Variants in FHIT observed in about 807,000 individuals in gnomAD.
FHIT encodes the protein bis(5'-adenosyl)-triphosphatase.
In FHIT, 19 loss-of-function variants were observed where a neutral mutation model predicts 17.9. The ratio of observed to expected loss-of-function variants is 1.06; its 90% CI spans 0.74 to 1.56. The LOEUF is 1.56. FHIT is among the 40% of genes most tolerant of loss of function. The pLI, the probability that FHIT is intolerant of heterozygous loss-of-function variation, is 0.00. For synonymous variants in FHIT, 81 were observed against 69.7 expected (o/e 1.16, Z -0.81); for missense variants, 248 against 189.2 (o/e 1.31, Z -1.82).
At chr3:60,973,277 A>G (rs1710100232) in intron 3 of FHIT, among the ~76,000 whole-genome samples, 1 of 152,146 alleles carries the variant, frequency 6.6e-6, no homozygotes, top group African/African-American at 2.4e-5. Flanking sequence ...CCTAGGTTGT[A>G]GTTCTTCAGG....
chr3:60,517,157 G>C (rs2035189999), intron 5 of FHIT, among the ~76,000 whole-genome samples: 2 of 152,140 alleles, frequency 1.3e-5, no homozygotes, highest in African/African-American at 4.8e-5. Flanking sequence ...AAAGGCTCAA[G>C]AGTTAATGTT....
chr3:60,163,107 T>C (rs182484009), intron 5 of FHIT, among the ~76,000 whole-genome samples: 53 of 149,754 alleles, frequency 3.5e-4, no homozygotes, highest in Admixed American at 1.4e-3. Flanking sequence ...GCAAAAGACA[T>C]TGTGCACACA....
chr3:60,501,295 T>C (rs1321420911), intron 5 of FHIT, among the ~76,000 whole-genome samples: 1 of 150,116 alleles, frequency 6.7e-6, no homozygotes, highest in Non-Finnish European at 1.5e-5. Flanking sequence ...CCACTATTTA[T>C]CTTATTTGAG....
intron 8 of FHIT, among the ~76,000 whole-genome samples, chr3:59,784,064 G>T (rs6786186): frequency 0.037 from 5,624 of 152,212 alleles, 145 homozygotes; most frequent in South Asian, 0.076. Context: ...AACGCTTCAG[G>T]ATTCTTGGCC....
intron 5 of FHIT, among the ~76,000 whole-genome samples, chr3:60,120,585 G>A (rs573895467): frequency 6.6e-6 from 1 of 152,132 alleles, no homozygotes; most frequent in Non-Finnish European, 1.5e-5. Flanking sequence ...ATTTACTGTA[G>A]GGTTGAGAAT....
intron 8 of FHIT, among the ~76,000 whole-genome samples, chr3:59,839,352 A>G (rs190730258): frequency 2.4e-4 from 37 of 152,074 alleles, no homozygotes; most frequent in African/African-American, 8.9e-4. Context: ...AGAAAAAAGA[A>G]AACCACCTCT....
At chr3:60,737,295 G>A (rs1408987933) in intron 4 of FHIT, among the ~76,000 whole-genome samples, 1 of 152,230 alleles carries the variant, frequency 6.6e-6, no homozygotes, top group Non-Finnish European at 1.5e-5. Context: ...AGAAAATGCA[G>A]AATGTAATTA....
intron 5 of FHIT, among the ~76,000 whole-genome samples, chr3:60,267,825 A>C (rs1167798413): frequency 6.6e-6 from 1 of 151,994 alleles, no homozygotes; most frequent in African/African-American, 2.4e-5. Context: ...ATACAAAACT[A>C]TTTATTGAAG....
At chr3:60,440,959 G>C (rs866482647) in intron 5 of FHIT, among the ~76,000 whole-genome samples, 11 of 152,100 alleles carry the variant, frequency 7.2e-5, no homozygotes, top group African/African-American at 2.7e-4. Context: ...AACCCAGCAA[G>C]AGAAATGTAT....
At chr3:59,950,207 A>G (rs1275443310) in intron 7 of FHIT, among the ~76,000 whole-genome samples, 3 of 152,232 alleles carry the variant, frequency 2.0e-5, no homozygotes, top group Non-Finnish European at 4.4e-5. Context: ...AAAGTAAAGC[A>G]TAATATAAAA....
chr3:60,040,172 A>T (rs962346106), intron 5 of FHIT, among the ~76,000 whole-genome samples: 4 of 151,806 alleles, frequency 2.6e-5, no homozygotes. Flanking sequence ...TTTGAGACAG[A>T]GTCTTGCTCT....
intron 4 of FHIT, among the ~76,000 whole-genome samples, chr3:60,579,206 T>G (rs142836957): frequency 2.0e-5 from 3 of 152,250 alleles, no homozygotes; most frequent in African/African-American, 7.2e-5. Context: ...CCTAGATAGG[T>G]ATAGCCCACT....
At chr3:60,302,292 G>GGGAT (rs1317590437) in intron 5 of FHIT, among the ~76,000 whole-genome samples, 7 of 151,998 alleles carry the variant, frequency 4.6e-5, no homozygotes, top group African/African-American at 1.7e-4. Flanking sequence ...TCTTCAGTGT[G>GGGAT]GGATGCCCTT....
intron 4 of FHIT, among the ~76,000 whole-genome samples, chr3:60,711,052 G>A (rs372758237): frequency 2.0e-5 from 3 of 152,204 alleles, no homozygotes; most frequent in East Asian, 1.9e-4. Context: ...CACCTCACAC[G>A]GCTGGGTACT....
At chr3:59,866,636 T>G in intron 8 of FHIT, among the ~76,000 whole-genome samples, 1 of 152,128 alleles carries the variant, frequency 6.6e-6, no homozygotes, top group Non-Finnish European at 1.5e-5. Flanking sequence ...GGGATATGTC[T>G]AAAAGTAAAT....
chr3:60,060,402 A>C (rs1702251814), intron 5 of FHIT, among the ~76,000 whole-genome samples: 1 of 152,324 alleles, frequency 6.6e-6, no homozygotes, highest in South Asian at 2.1e-4. Context: ...CTATCTTTTT[A>C]AATATGCATC....
chr3:60,641,373 G>A (rs922882048), intron 4 of FHIT, among the ~76,000 whole-genome samples: 4 of 152,096 alleles, frequency 2.6e-5, no homozygotes, highest in African/African-American at 9.7e-5. Flanking sequence ...GCCCAGGAGG[G>A]TGTGAAGATG....
chr3:60,614,412 T>C lies in FHIT; in HGVS notation c.-17-77433A>G, dbSNP rs1475979322. Among the ~76,000 whole-genome samples, 3 of 152,172 alleles carry C rather than the reference T, an allele frequency of 2.0e-5. No homozygotes were observed. The East Asian group carries it at 5.8e-4, about 29-fold the overall frequency. ...TGAGGTCAGGAGTTTGAGACCAGCC[T>C]GGCCAACATGGCAAAACTCCATCTC... On this transcript the variant is annotated intron_variant, in intron 4 of 9. Coordinates refer to ENST00000492590, the MANE Select transcript of FHIT (RefSeq NM_002012.4).
At chr3:61,164,154 T>G (rs1260518294) in intron 2 of FHIT, among the ~76,000 whole-genome samples, 1 of 152,224 alleles carries the variant, frequency 6.6e-6, no homozygotes, top group Non-Finnish European at 1.5e-5. Flanking sequence ...TCCAATGGTA[T>G]TCCAGATTCT....
Sources: allele counts gnomAD v4.1 joint callset (sites outside exome capture counted in the v4.1 genomes callset), GRCh38; gene constraint gnomAD v4.1.1; transcripts MANE v1.5; gene names NCBI Gene and HGNC (gene_info 2026-07-23, HGNC 2026-07-21).